ELF5: variants seen among roughly 807,000 people sequenced by gnomAD.
The protein encoded by ELF5 is ETS-related transcription factor Elf-5.
A neutral mutation model predicts 38.2 loss-of-function variants in ELF5; 31 were observed. That is an observed-to-expected ratio of 0.81 (90% confidence interval 0.61 to 1.10). The LOEUF (loss-of-function observed/expected upper bound fraction) is 1.10. Ranked by LOEUF, ELF5 falls within the 50% of genes least tolerant of loss-of-function variation. The pLI is 0.00. For synonymous variants in ELF5, 121 were observed against 112.5 expected, an observed-to-expected ratio of 1.08 and a Z score of -0.48; for missense variants, 300 against 306.6, an observed-to-expected ratio of 0.98 and a Z score of 0.16.
At chr11:34,499,265 A>G (rs1293977481) in intron 2 of ELF5, among the ~76,000 whole-genome samples, 9 of 152,124 alleles carry the variant, frequency 5.9e-5, no homozygotes, top group Non-Finnish European at 2.9e-5. Flanking sequence ...TTTTTGAGAC[A>G]GGGTCTCACT....
Position 34,505,753 on chromosome 11 carries a change from C to T in ELF5, c.-4G>A, listed in dbSNP as rs1238745735. On this transcript the variant is annotated splice_region_variant and 5_prime_UTR_variant, in exon 2 of 7. Coordinates refer to ENST00000257832, the MANE Select transcript of ELF5 (RefSeq NM_001422.4). Reference sequence around the variant, plus strand: ...TGTGTGTCACCGAGTCCAACATTACCCTGCAACAGCAGGAGAGGTCGTGAG... The same window carrying T: ...TGTGTGTCACCGAGTCCAACATTACTCTGCAACAGCAGGAGAGGTCGTGAG... 2 of 1,613,170 alleles carry T rather than the reference C, an allele frequency of 1.2e-6. No individual in the cohort carries two copies. The highest frequency in any genetic ancestry group is 4.5e-5 in the East Asian group (2 of 44,856).
In ELF5 at chr11:34,489,995, G is replaced by A. The variant is rs746376024; in HGVS notation, c.406+14C>T. 1.2e-5 allele frequency: 20 copies of A among 1,613,890 alleles called. No homozygotes were observed. Among genetic ancestry groups the A allele is most frequent in the East Asian group, 4.5e-5 (2 of 44,896 alleles). ...CTTGACAGAGCCTTGGGTGGCTTGC[G>A]CTTGGTTACTTACAGTCTTTGATGG... On this transcript the variant is annotated intron_variant, in intron 4 of 6. Coordinates refer to ENST00000257832, the MANE Select transcript of ELF5 (RefSeq NM_001422.4).
intron 4 of ELF5, among the ~76,000 whole-genome samples, chr11:34,485,738 A>G (rs1209705685): frequency 6.6e-6 from 1 of 152,124 alleles, no homozygotes; most frequent in African/African-American, 2.4e-5. Context: ...TTGACTAGTC[A>G]AGGCCTTGCT....
Position 34,480,000 on chromosome 11 carries a change from C to G in ELF5, c.*218G>C. On this transcript the variant is annotated 3_prime_UTR_variant, in exon 7 of 7. Transcript: ENST00000257832. Reference sequence around the variant, plus strand: ...CACCACAAAAGATCATCCCCTCATCCCCTTAGGGAGAAGAAAGGATTTCTT... The same window carrying G: ...CACCACAAAAGATCATCCCCTCATCGCCTTAGGGAGAAGAAAGGATTTCTT... 1 of 558,592 alleles carries G rather than the reference C, an allele frequency of 1.8e-6. No individual in the cohort carries two copies. Among genetic ancestry groups the G allele is most frequent in the Non-Finnish European group, 3.2e-6 (1 of 315,706 alleles). 34.6% of individuals were successfully genotyped at this position (558,592 alleles called of 1,614,324 possible). A position where few individuals can be genotyped will look rare whatever the true frequency, so the allele number is the denominator to read the frequency against.
At chr11:34,483,421 C>G (rs1213519840) in intron 4 of ELF5, among the ~76,000 whole-genome samples, 1 of 151,868 alleles carries the variant, frequency 6.6e-6, no homozygotes, top group African/African-American at 2.4e-5. Context: ...AGCACACTGC[C>G]GGGCATATAG....
intron 4 of ELF5, among the ~76,000 whole-genome samples, chr11:34,487,962 C>G (rs1239544800): frequency 6.6e-6 from 1 of 152,126 alleles, no homozygotes; most frequent in African/African-American, 2.4e-5. Flanking sequence ...ATTGTTCCAC[C>G]TCGTGACCTC....
rs1850425883 is a variant in ELF5, at chr11:34,500,157, T to C, written c.121+5472A>G. 2.0e-5 allele frequency among the ~76,000 whole-genome samples: 3 copies of C among 152,122 alleles called. No individual in the cohort carries two copies. The South Asian group carries it at 6.2e-4, about 32-fold the overall frequency. On this transcript the variant is annotated intron_variant, in intron 2 of 6. Transcript: ENST00000257832. Reference sequence around the variant, plus strand: ...ACTACAGTAAAGCAAGCTCAGGGCTTGGCTGGGACAAGACAGACAGTCTGG... The same window carrying C: ...ACTACAGTAAAGCAAGCTCAGGGCTCGGCTGGGACAAGACAGACAGTCTGG...
At chr11:34,482,241 C>T (rs1856958039) in intron 5 of ELF5, among the ~76,000 whole-genome samples, 190 bp downstream of exon 5, 1 of 152,214 alleles carries the variant, frequency 6.6e-6, no homozygotes, top group African/African-American at 2.4e-5. Context: ...TAATCTCACC[C>T]ACTCGTATGA....
rs116718777 is a variant in ELF5, at chr11:34,501,490, T to A, written c.121+4139A>T. ...GTAGTGGCAAGGCCAGGGTACTCAA[T>A]GACTACTGGAGGGTTGGCTACTGGA... On this transcript the variant is annotated intron_variant, in intron 2 of 6. Coordinates refer to ENST00000257832, the MANE Select transcript of ELF5 (RefSeq NM_001422.4). Among the ~76,000 whole-genome samples, 523 of 152,236 alleles carry A rather than the reference T, an allele frequency of 3.4e-3. 2 individuals are homozygous for A. Among genetic ancestry groups the A allele is most frequent in the African/African-American group, 0.012 (493 of 41,518 alleles).
At chr11:34,485,685 C>T (rs941723009) in intron 4 of ELF5, among the ~76,000 whole-genome samples, 2 of 152,174 alleles carry the variant, frequency 1.3e-5, no homozygotes, top group Non-Finnish European at 2.9e-5. Context: ...CCTGTTCTGT[C>T]TGTTCCTAGT....
chr11:34,481,809 C>T (rs973111980), intron 5 of ELF5, among the ~76,000 whole-genome samples: 5 of 152,152 alleles, frequency 3.3e-5, no homozygotes, highest in African/African-American at 1.2e-4. Context: ...TTTAGGGTTG[C>T]TTCATCTATA....
intron 1 of ELF5, 78 bp downstream of exon 1, chr11:34,513,599 G>C (rs1850819062): frequency 6.6e-6 from 1 of 152,472 alleles, no homozygotes. Context: ...TGGACGAGCA[G>C]ACCCAGGCCC....
chr11:34,483,989 C>T (rs554684514), intron 4 of ELF5, among the ~76,000 whole-genome samples: 1 of 151,740 alleles, frequency 6.6e-6, no homozygotes, highest in Non-Finnish European at 1.5e-5. Context: ...CCACACTATA[C>T]TGTACTATAC....
intron 5 of ELF5, 83 bp downstream of exon 5, chr11:34,482,348 G>C: frequency 7.6e-7 from 1 of 1,324,476 alleles, no homozygotes. Flanking sequence ...CAAACATTTA[G>C]TTTCAAAGCT....
intron 1 of ELF5, among the ~76,000 whole-genome samples, chr11:34,507,821 T>G (rs1850646621): frequency 6.6e-6 from 1 of 152,248 alleles, no homozygotes; most frequent in South Asian, 2.1e-4. Context: ...ACACCACTGG[T>G]AAGTGTCTTG....
Position 34,505,677 on chromosome 11 carries a change from C to G in ELF5, c.73G>C (p.Asp25His). ...SFCDPLMSWT[D>H]LFSNEEYYPA... ...TAGTACTCTTCATTGCTGAACAGAT[C>G]AGTCCACGACATCAGGGGATCGCAG... Residue 25 changes from aspartate to histidine, a missense_variant, in exon 2 of 7, where the codon GAT (aspartate) becomes CAT (histidine). Coordinates refer to ENST00000257832, the MANE Select transcript of ELF5 (RefSeq NM_001422.4). 1.2e-6 allele frequency: 2 copies of G among 1,614,104 alleles called. No individual in the cohort carries two copies. The highest frequency in any genetic ancestry group is 1.6e-4 in the Middle Eastern group (1 of 6,062).
Position 34,480,141 on chromosome 11 carries a change from G to A in ELF5, c.*77C>T. On this transcript the variant is annotated 3_prime_UTR_variant, in exon 7 of 7. Coordinates refer to ENST00000257832, the MANE Select transcript of ELF5 (RefSeq NM_001422.4). Reference sequence around the variant, plus strand: ...TTAAAAAAAAAGAGAAGAAAATGAAGCCTTTCGAATGTCTATTGCAATCTG... The same window carrying A: ...TTAAAAAAAAAGAGAAGAAAATGAAACCTTTCGAATGTCTATTGCAATCTG... 1.7e-6 allele frequency: 2 copies of A among 1,169,400 alleles called. No individual in the cohort carries two copies. The highest frequency in any genetic ancestry group is 2.2e-5 in the Admixed American group (1 of 46,236). The allele number at this position is 1,169,400 out of a possible 1,614,324, so 72.4% of individuals were successfully genotyped here.
At position 34,501,579 on chromosome 11, in the gene ELF5, C is replaced by G. The variant is rs566284139; in HGVS notation, c.121+4050G>C. On this transcript the variant is annotated intron_variant, in intron 2 of 6. Transcript: ENST00000257832. ...CATGTGAACTACATGCAGCCTCCCC[C>G]CCAACCAACTCTCCCGCCCACTTGG... Among the ~76,000 whole-genome samples the G allele has an allele frequency of 1.4e-4, 21 of 152,238 alleles. 1 individual carries two copies. Among genetic ancestry groups the G allele is most frequent in the Admixed American group, 6.5e-4 (10 of 15,300 alleles).
chr11:34,508,348 C>T (rs1850661533), intron 1 of ELF5, among the ~76,000 whole-genome samples: 1 of 152,054 alleles, frequency 6.6e-6, no homozygotes, highest in Non-Finnish European at 1.5e-5. Context: ...ACTAAAAATA[C>T]AAACATTAGC....
Sources: gnomAD v4.1 joint callset for allele counts (sites outside exome capture counted in the v4.1 genomes callset) on GRCh38, gnomAD v4.1.1 for gene constraint, MANE v1.5 for transcripts, NCBI Gene and HGNC (gene_info 2026-07-23, HGNC 2026-07-21) for gene names.